ADH7: variants seen among roughly 807,000 people sequenced by gnomAD.
ADH7 encodes the protein alcohol dehydrogenase 7 (class IV), mu or sigma polypeptide, also known as all-trans-retinol dehydrogenase [NAD(+)] ADH7.
ADH7 carries 41 observed loss-of-function variants against 34.4 expected under a neutral mutation model. The observed-to-expected ratio is 1.19, with a 90% CI of 0.93 to 1.55. The LOEUF is 1.55. ADH7 is among the 40% of genes most tolerant of loss of function. ADH7 has a pLI of 0.00. For synonymous variants in ADH7, 180 were observed against 160.9 expected (o/e 1.12, Z -0.90); for missense variants, 540 against 461.2 (o/e 1.17, Z -1.56).
At chr4:99,432,137 TA>T (rs1298340779) in intron 1 of ADH7, among the ~76,000 whole-genome samples, 14 of 152,080 alleles carry the variant, frequency 9.2e-5, no homozygotes, top group African/African-American at 2.9e-4. Context: ...TATGCAGCCA[TA>T]AAAAAATAAG....
intron 5 of ADH7, 97 bp downstream of exon 5, chr4:99,427,676 A>T: frequency 1.1e-6 from 1 of 922,700 alleles, no homozygotes; most frequent in East Asian, 3.0e-5. Flanking sequence ...ACATTCTTTT[A>T]AATGTTTTTT....
chr4:99,416,701 C>T (rs530426730), intron 7 of ADH7, among the ~76,000 whole-genome samples: 6 of 152,190 alleles, frequency 3.9e-5, no homozygotes, highest in Admixed American at 3.9e-4. Context: ...CGATATACTC[C>T]TCTTAAAATA....
intron 7 of ADH7, among the ~76,000 whole-genome samples, chr4:99,418,782 T>C (rs1721579210): frequency 1.3e-5 from 2 of 152,202 alleles, no homozygotes; most frequent in Admixed American, 6.5e-5. Context: ...CAGATGTTAA[T>C]ATTAAAAATG....
intron 2 of ADH7, 151 bp from the exon 3 acceptor site, chr4:99,428,781 A>T: frequency 9.8e-7 from 1 of 1,021,990 alleles, no homozygotes; most frequent in Non-Finnish European, 1.4e-6. Flanking sequence ...CTGAGCCAAA[A>T]ATCAACCATC....
chr4:99,428,993 G>T (rs1053096900), intron 2 of ADH7, among the ~76,000 whole-genome samples: 6 of 152,184 alleles, frequency 3.9e-5, no homozygotes, highest in African/African-American at 1.2e-4. Flanking sequence ...TGGCATGCAA[G>T]AAGGTAAGCA....
intron 5 of ADH7, 72 bp downstream of exon 5, chr4:99,427,701 C>T (rs1347433173): frequency 3.9e-5 from 44 of 1,141,836 alleles, no homozygotes; most frequent in Non-Finnish European, 4.5e-5. Context: ...TTCCAAAACT[C>T]TTCAAGATTC....
chr4:99,421,587 A>C (rs983409088), intron 5 of ADH7, among the ~76,000 whole-genome samples: 1 of 152,228 alleles, frequency 6.6e-6, no homozygotes, highest in African/African-American at 2.4e-5. Flanking sequence ...GAACTTAGAC[A>C]TAGGCAAAGA....
intron 8 of ADH7, chr4:99,415,255 A>G: frequency 6.1e-6 from 3 of 492,682 alleles, no homozygotes; most frequent in Non-Finnish European, 1.1e-5. Context: ...GAGTCAATTG[A>G]ATCTGTTTGC....
intron 2 of ADH7, among the ~76,000 whole-genome samples, 190 bp from the exon 3 acceptor site, chr4:99,428,820 T>C (rs1216809623): frequency 6.6e-6 from 1 of 152,214 alleles, no homozygotes; most frequent in East Asian, 1.9e-4. Flanking sequence ...ACGGAACTTA[T>C]AATATTGCTC....
intron 5 of ADH7, among the ~76,000 whole-genome samples, chr4:99,422,931 G>T (rs1292060294): frequency 6.9e-6 from 1 of 145,588 alleles, no homozygotes; most frequent in Non-Finnish European, 1.5e-5. Flanking sequence ...CAATGTGCAG[G>T]TTAGTTACAT....
chr4:99,425,399 G>A (rs1336368993), intron 5 of ADH7, among the ~76,000 whole-genome samples: 2 of 151,830 alleles, frequency 1.3e-5, no homozygotes, highest in African/African-American at 4.8e-5. Context: ...AAAAAGGCAG[G>A]GGTTGCAATC....
At chr4:99,431,599 A>G (rs775248101) in intron 1 of ADH7, among the ~76,000 whole-genome samples, 4 of 152,256 alleles carry the variant, frequency 2.6e-5, no homozygotes, top group African/African-American at 7.2e-5. Context: ...TCCGGCATCT[A>G]TAAGGAACTT....
chr4:99,419,232 C>T (rs1158996539), intron 6 of ADH7, 111 bp from the exon 7 acceptor site: 2 of 1,331,832 alleles, frequency 1.5e-6, no homozygotes, highest in Non-Finnish European at 1.0e-6. Flanking sequence ...ATTAAGCCAC[C>T]TTGTTTTTTA....
At chr4:99,419,165 A>G (rs1440710792) in intron 6 of ADH7, 44 bp from the exon 7 acceptor site, 15 of 1,593,352 alleles carry the variant, frequency 9.4e-6, no homozygotes, top group Non-Finnish European at 1.2e-5. Flanking sequence ...TGTGTCTCTT[A>G]CAGTGTGACA....
intron 5 of ADH7, among the ~76,000 whole-genome samples, chr4:99,424,911 T>A (rs1229471954): frequency 6.6e-6 from 1 of 152,136 alleles, no homozygotes; most frequent in Non-Finnish European, 1.5e-5. Context: ...TCCAACACTA[T>A]GTTGAATAGG....
rs181051744 is a variant in ADH7 at position 99,425,271 on chromosome 4, G to A, written c.564+2502C>T. Among the ~76,000 whole-genome samples the A allele has an allele frequency of 2.3e-3, 350 of 152,230 alleles. 5 individuals are homozygous for A. Among genetic ancestry groups the A allele is most frequent in the African/African-American group, 8.1e-3 (335 of 41,560 alleles). On this transcript the variant is annotated intron_variant, in intron 5 of 8. Coordinates refer to ENST00000437033, the MANE Select transcript of ADH7 (RefSeq NM_000673.7). ...TTAAAAGACACAGACTGGTAAATTC[G>A]ATAAACAGTCGAGACCCATCAGTGT...
rs1339207431 is a variant in ADH7 at position 99,427,936 on chromosome 4, C to T, written c.401G>A (p.Gly134Asp). ...ADGTTRFTCK[G>D]KPVHHFMNTS... Reference sequence around the variant, plus strand: ...GTTCATGAAGTGGTGGACTGGTTTGCCCTTGCATGTAAATCTGGTGGTGCC... The same window carrying T: ...GTTCATGAAGTGGTGGACTGGTTTGTCCTTGCATGTAAATCTGGTGGTGCC... Residue 134 changes from glycine (G) to aspartate (D), a missense_variant, in exon 5 of 9, where the codon GGC becomes GAC. By Grantham distance (94) the Gly-to-Asp change is moderately conservative. Coordinates refer to ENST00000437033, the MANE Select transcript of ADH7 (RefSeq NM_000673.7). The T allele has an allele frequency of 1.2e-6, 2 of 1,613,976 alleles. No homozygotes were observed. Among genetic ancestry groups the T allele is most frequent in the East Asian group, 4.5e-5 (2 of 44,892 alleles).
intron 5 of ADH7, among the ~76,000 whole-genome samples, chr4:99,425,165 A>G (rs34682744): frequency 0.12 from 18,715 of 152,156 alleles, 1,337 homozygotes; most frequent in Non-Finnish European, 0.16. Context: ...TGAGCAAAAT[A>G]ACCAGCTAAC....
intron 5 of ADH7, among the ~76,000 whole-genome samples, chr4:99,422,418 C>T (rs1318052239): frequency 6.6e-6 from 1 of 152,144 alleles, no homozygotes; most frequent in Non-Finnish European, 1.5e-5. Context: ...AAACCAAACA[C>T]CACATGTTCT....
Sources: gnomAD v4.1 joint callset for allele counts (sites outside exome capture counted in the v4.1 genomes callset) on GRCh38, gnomAD v4.1.1 for gene constraint, MANE v1.5 for transcripts, NCBI Gene and HGNC (gene_info 2026-07-23, HGNC 2026-07-21) for gene names.